GALNT13: variants seen among roughly 807,000 people sequenced by gnomAD.
The protein encoded by GALNT13 is UDP-GalNAc:polypeptide N-acetylgalactosaminyltransferase 13.
In GALNT13, 28 loss-of-function variants were observed where a neutral mutation model predicts 64.2. The observed-to-expected ratio is 0.44, with a 90% confidence interval of 0.32 to 0.60. The LOEUF (loss-of-function observed/expected upper bound fraction) is 0.60. Among genes scored for constraint, GALNT13 ranks in the 20% least tolerant of loss-of-function variants. The pLI, the probability that GALNT13 is intolerant of heterozygous loss-of-function variation, is 0.05. For missense variants in GALNT13, 577 were observed against 669.8 expected (o/e 0.86, Z 1.53); for synonymous variants, 214 against 224.6 (o/e 0.95, Z 0.42).
At chr2:153,485,892 C>G in the GALNT13 span, among the ~76,000 whole-genome samples, 1 of 152,052 alleles carries the variant, frequency 6.6e-6, no homozygotes, top group Admixed American at 6.5e-5. Flanking sequence ...AGAGCAAGAC[C>G]CTGTCTTAAA....
chr2:153,139,914 A>C, the GALNT13 span, among the ~76,000 whole-genome samples: 1 of 152,022 alleles, frequency 6.6e-6, no homozygotes, highest in African/African-American at 2.4e-5. Context: ...TATCATCTTT[A>C]GTTTGGGAAG....
the GALNT13 span, among the ~76,000 whole-genome samples, chr2:153,676,328 C>A: frequency 1.3e-5 from 2 of 151,878 alleles, no homozygotes; most frequent in East Asian, 3.9e-4. Flanking sequence ...AAATTGAAAC[C>A]CTGAGCAGAC....
chr2:153,136,684 T>G, the GALNT13 span, among the ~76,000 whole-genome samples: 7 of 152,256 alleles, frequency 4.6e-5, no homozygotes, highest in African/African-American at 1.7e-4. Flanking sequence ...AAAACTACCC[T>G]TGACCATTTT....
chr2:154,085,441 C>G (rs75712519), intron 3 of GALNT13, among the ~76,000 whole-genome samples: 1 of 151,908 alleles, frequency 6.6e-6, no homozygotes, highest in Non-Finnish European at 1.5e-5. Context: ...TCCAAATGCA[C>G]AAATTGGGGA....
At chr2:153,914,906 T>C (rs750924545) in intron 2 of GALNT13, among the ~76,000 whole-genome samples, 1 of 152,122 alleles carries the variant, frequency 6.6e-6, no homozygotes, top group Non-Finnish European at 1.5e-5. Context: ...CTACTCCTGG[T>C]GGGGGACAGG....
the GALNT13 span, among the ~76,000 whole-genome samples, chr2:153,383,126 A>G: frequency 6.6e-6 from 1 of 152,114 alleles, no homozygotes; most frequent in Admixed American, 6.6e-5. Flanking sequence ...CAAACTAGAC[A>G]CTGTGCCTTG....
chr2:153,639,952 G>C, the GALNT13 span, among the ~76,000 whole-genome samples: 12 of 152,126 alleles, frequency 7.9e-5, no homozygotes, highest in African/African-American at 2.9e-4. Context: ...GATATGTCCA[G>C]GGATCAAGGG....
intron 9 of GALNT13, among the ~76,000 whole-genome samples, chr2:154,381,323 CT>C (rs1698259303): frequency 6.6e-6 from 1 of 152,036 alleles, no homozygotes; most frequent in African/African-American, 2.4e-5. Context: ...CTCATTTCCC[CT>C]ACCTTTATAT....
At chr2:154,369,019 G>GTTGTTT (rs1697530868) in intron 9 of GALNT13, among the ~76,000 whole-genome samples, 1 of 151,590 alleles carries the variant, frequency 6.6e-6, no homozygotes, top group African/African-American at 2.4e-5. Flanking sequence ...TGTTGTTGTT[G>GTTGTTT]TTTTCAGGAT....
intron 3 of GALNT13, among the ~76,000 whole-genome samples, chr2:153,988,469 C>T (rs1470628892): frequency 1.3e-5 from 2 of 152,020 alleles, no homozygotes; most frequent in East Asian, 3.9e-4. Context: ...TAATGTCCTC[C>T]AGGTTAATCC....
the GALNT13 span, among the ~76,000 whole-genome samples, chr2:153,435,637 T>G: frequency 6.6e-6 from 1 of 152,090 alleles, no homozygotes; most frequent in South Asian, 2.1e-4. Flanking sequence ...GTTTGTCTGT[T>G]ATTGGTGTAT....
chr2:153,507,609 A>G, the GALNT13 span, among the ~76,000 whole-genome samples: 2 of 152,104 alleles, frequency 1.3e-5, no homozygotes, highest in South Asian at 4.1e-4. Context: ...GTTGAAGTTC[A>G]CTTTTCTCTG....
the GALNT13 span, among the ~76,000 whole-genome samples, chr2:153,543,189 T>C: frequency 6.6e-6 from 1 of 152,086 alleles, no homozygotes; most frequent in Non-Finnish European, 1.5e-5. Context: ...AATACCCATA[T>C]ATAAGATTGG....
chr2:153,750,916 T>C, the GALNT13 span, among the ~76,000 whole-genome samples: 67 of 151,872 alleles, frequency 4.4e-4, no homozygotes, highest in African/African-American at 1.6e-3. Context: ...TTTTTTGAAG[T>C]TTTTTCTCTT....
chr2:153,629,005 T>A, the GALNT13 span, among the ~76,000 whole-genome samples: 1 of 152,260 alleles, frequency 6.6e-6, no homozygotes, highest in African/African-American at 2.4e-5. Flanking sequence ...AAGCTATTAA[T>A]TATTGCCACA....
chr2:154,116,248 G>T (rs114784164), intron 3 of GALNT13, among the ~76,000 whole-genome samples: 3 of 152,190 alleles, frequency 2.0e-5, no homozygotes, highest in South Asian at 4.2e-4. Flanking sequence ...GCTTCATCAG[G>T]GTCCTCCCAC....
chr2:153,345,481 T>C, the GALNT13 span, among the ~76,000 whole-genome samples: 1 of 152,076 alleles, frequency 6.6e-6, no homozygotes, highest in Non-Finnish European at 1.5e-5. Flanking sequence ...AGAATTTTGT[T>C]TTAAATAAGG....
At chr2:154,168,811 C>T (rs1423239511) in intron 4 of GALNT13, among the ~76,000 whole-genome samples, 1 of 151,898 alleles carries the variant, frequency 6.6e-6, no homozygotes, top group Admixed American at 6.6e-5. Context: ...CACTGAACTC[C>T]AGCCTGGGTA....
the GALNT13 span, among the ~76,000 whole-genome samples, chr2:153,245,558 G>A: frequency 1.3e-5 from 2 of 152,126 alleles, no homozygotes; most frequent in East Asian, 1.9e-4. Context: ...CTGACTGTTC[G>A]AAAAAAACTA....
Sources: gnomAD v4.1 joint callset for allele counts (sites outside exome capture counted in the v4.1 genomes callset) on GRCh38, gnomAD v4.1.1 for gene constraint, MANE v1.5 for transcripts, NCBI Gene and HGNC (gene_info 2026-07-23, HGNC 2026-07-21) for gene names.